ARFGEF3: variants seen among roughly 807,000 people sequenced by gnomAD.
ARFGEF3 encodes the protein brefeldin A-inhibited guanine nucleotide-exchange protein 3.
ARFGEF3 carries 96 observed loss-of-function variants against 221.7 expected under a neutral mutation model. That is an observed-to-expected ratio of 0.43 (90% CI 0.37 to 0.51). ARFGEF3 has a LOEUF of 0.51. Ranked by LOEUF, ARFGEF3 falls within the 20% of genes least tolerant of loss-of-function variation. ARFGEF3 has a pLI of 0.00. For missense variants in ARFGEF3, 2,410 were observed against 2,789.9 expected (o/e 0.86, Z 3.07); for synonymous variants, 1,145 against 1,126.8 (o/e 1.02, Z -0.32).
intron 4 of ARFGEF3, 41 bp downstream of exon 4, chr6:138,210,082 G>A (rs747743897): frequency 1.2e-6 from 2 of 1,601,198 alleles, no homozygotes; most frequent in Non-Finnish European, 1.7e-6. Flanking sequence ...ACTGGGACAG[G>A]AACACATCCT....
At chr6:138,170,406 C>A (rs767730704) in intron 1 of ARFGEF3, among the ~76,000 whole-genome samples, 19 of 152,076 alleles carry the variant, frequency 1.2e-4, no homozygotes, top group Non-Finnish European at 2.5e-4. Flanking sequence ...TTTAACTATT[C>A]GTTCTTTATC....
At chr6:138,209,431 G>T (rs1162961403) in intron 3 of ARFGEF3, among the ~76,000 whole-genome samples, 1 of 152,064 alleles carries the variant, frequency 6.6e-6, no homozygotes, top group Non-Finnish European at 1.5e-5. Flanking sequence ...TGCCAAAAAC[G>T]GTTTATTCAA....
chr6:138,261,677 C>A, intron 11 of ARFGEF3, 38 bp downstream of exon 11: 2 of 1,267,812 alleles, frequency 1.6e-6, no homozygotes, highest in Non-Finnish European at 2.2e-6. Flanking sequence ...ATTGAGGCTG[C>A]TTTTCTGAAG....
intron 6 of ARFGEF3, among the ~76,000 whole-genome samples, chr6:138,241,797 C>A (rs1260145704): frequency 2.0e-5 from 3 of 152,198 alleles, no homozygotes; most frequent in African/African-American, 7.2e-5. Context: ...CAGCTGCATG[C>A]CAGGACAGAC....
chr6:138,164,593 T>C (rs1776685244), intron 1 of ARFGEF3, among the ~76,000 whole-genome samples: 2 of 152,216 alleles, frequency 1.3e-5, no homozygotes, highest in South Asian at 4.1e-4. Flanking sequence ...GCAGTGTAAT[T>C]GACAAATATG....
intron 8 of ARFGEF3, among the ~76,000 whole-genome samples, chr6:138,252,569 T>C (rs1778601593): frequency 6.6e-6 from 1 of 152,228 alleles, no homozygotes; most frequent in Non-Finnish European, 1.5e-5. Context: ...ACTTCCTTCC[T>C]ATCTCTTCAA....
At chr6:138,215,877 TGTGTGTGTGTGAAAGA>T (rs1183647568) in intron 4 of ARFGEF3, 2 of 116,868 alleles carry the variant, frequency 1.7e-5, no homozygotes, top group African/African-American at 6.9e-5. Flanking sequence ...TGTGTGTGTG[TGTGTGTGTGTGAAAGA>T]GAGAGAGAGA....
chr6:138,225,357 A>G (rs1345081135), intron 4 of ARFGEF3, among the ~76,000 whole-genome samples: 3 of 152,088 alleles, frequency 2.0e-5, no homozygotes, highest in South Asian at 4.1e-4. Flanking sequence ...TGCTCATGAC[A>G]CTTCCTTAGG....
chr6:138,194,590 G>A (rs1777373608), intron 2 of ARFGEF3, among the ~76,000 whole-genome samples: 1 of 152,184 alleles, frequency 6.6e-6, no homozygotes, highest in Non-Finnish European at 1.5e-5. Context: ...TTGATTGTAG[G>A]AAAACATGTC....
chr6:138,310,853 C>T (rs982016706), intron 24 of ARFGEF3, among the ~76,000 whole-genome samples: 3 of 152,226 alleles, frequency 2.0e-5, no homozygotes, highest in Admixed American at 1.3e-4. Context: ...GTCTCTGTCC[C>T]TAAACCCCAG....
At chr6:138,256,527 G>T (rs1778684998) in intron 10 of ARFGEF3, among the ~76,000 whole-genome samples, 1 of 151,340 alleles carries the variant, frequency 6.6e-6, no homozygotes, top group African/African-American at 2.4e-5. Flanking sequence ...AGCAATCATT[G>T]CTGCCAACCA....
intron 2 of ARFGEF3, among the ~76,000 whole-genome samples, chr6:138,199,380 G>A (rs1777491412): frequency 6.6e-6 from 1 of 152,170 alleles, no homozygotes; most frequent in Non-Finnish European, 1.5e-5. Flanking sequence ...GCAGACCTCA[G>A]AAATGTAAGA....
chr6:138,174,519 T>C lies in ARFGEF3; in HGVS notation c.137+3806T>C, dbSNP rs1776900180. On this transcript the variant is annotated intron_variant, in intron 2 of 33. Transcript: ENST00000251691. The stretch of plus-strand genomic sequence containing the variant: ...AAAAAAAAAAAAAATCCAGGCACTG[T>C]AAATATTTGTCTGCTCATTGAGGAG... 2.4e-5 allele frequency among the ~76,000 whole-genome samples: 3 copies of C among 127,138 alleles called. 1 individual carries two copies. In the South Asian group the frequency reaches 8.2e-4, roughly 35 times the overall value. 83.4% of individuals were successfully genotyped at this position (127,138 alleles called of 152,430 possible).
intron 14 of ARFGEF3, among the ~76,000 whole-genome samples, chr6:138,285,307 C>T (rs1047017655): frequency 1.3e-5 from 2 of 151,922 alleles, no homozygotes; most frequent in Non-Finnish European, 2.9e-5. Flanking sequence ...AAAAATTAGC[C>T]GGGCATGGTG....
chr6:138,211,927 A>G (rs1047943216), intron 4 of ARFGEF3, among the ~76,000 whole-genome samples: 8 of 152,226 alleles, frequency 5.3e-5, no homozygotes, highest in Admixed American at 5.2e-4. Flanking sequence ...TGACACCATT[A>G]TAAACCTTGA....
intron 4 of ARFGEF3, among the ~76,000 whole-genome samples, chr6:138,219,068 G>C (rs530819274): frequency 6.6e-6 from 1 of 152,304 alleles, no homozygotes; most frequent in South Asian, 2.1e-4. Flanking sequence ...GCAATAAAGA[G>C]GCAGCCAATT....
chr6:138,267,177 T>A (rs931808342), intron 12 of ARFGEF3, among the ~76,000 whole-genome samples: 1 of 152,126 alleles, frequency 6.6e-6, no homozygotes, highest in Non-Finnish European at 1.5e-5. Flanking sequence ...TATTTAAAAT[T>A]AAAATTATCC....
intron 3 of ARFGEF3, 29 bp downstream of exon 3, chr6:138,207,152 G>A (rs745840056): frequency 6.4e-7 from 1 of 1,569,378 alleles, no homozygotes; most frequent in East Asian, 2.3e-5. Flanking sequence ...GCAATGGGAT[G>A]ATAGAAATTG....
chr6:138,278,749 G>A (rs1313109944), intron 13 of ARFGEF3, 132 bp downstream of exon 13: 18 of 901,258 alleles, frequency 2.0e-5, no homozygotes, highest in Middle Eastern at 3.1e-4. Flanking sequence ...GGTAATGCCA[G>A]TGGGACTTTG....
Sources: allele counts gnomAD v4.1 joint callset (sites outside exome capture counted in the v4.1 genomes callset), GRCh38; gene constraint gnomAD v4.1.1; transcripts MANE v1.5; gene names NCBI Gene and HGNC (gene_info 2026-07-23, HGNC 2026-07-21).